The following NOL4 variants were observed in gnomAD, a reference collection of about 807,000 sequenced individuals.
NOL4 encodes the protein cancer/testis antigen 125.
Under a neutral mutation model 75.9 loss-of-function variants are expected in NOL4, and 17 were observed. The ratio of observed to expected loss-of-function variants is 0.22; its 90% CI spans 0.15 to 0.34. The LOEUF is 0.34. Among genes scored for constraint, NOL4 ranks in the 10% least tolerant of loss-of-function variants. The pLI, the probability that NOL4 is intolerant of heterozygous loss-of-function variation, is 1.00. For missense variants in NOL4, 614 were observed against 793.5 expected (o/e 0.77, Z 2.72); for synonymous variants, 292 against 289.9 (o/e 1.01, Z -0.07).
intron 1 of NOL4, among the ~76,000 whole-genome samples, chr18:34,143,105 G>A (rs768512860): frequency 3.7e-4 from 56 of 152,082 alleles, no homozygotes; most frequent in Middle Eastern, 3.4e-3. Flanking sequence ...GAAGCGAAGG[G>A]AAGGGAAGAA....
Position 33,892,065 on chromosome 18 carries a change from A to C in NOL4, c.1543-8641T>G, listed in dbSNP as rs1208144001. Among the ~76,000 whole-genome samples the C allele has an allele frequency of 2.0e-5, 3 of 152,136 alleles. No individual in the cohort carries two copies. In the East Asian group the frequency reaches 5.8e-4, roughly 29 times the overall value. On this transcript the variant is annotated intron_variant, in intron 9 of 10. Transcript: ENST00000261592. ...ATGATTATTATTACTGTTTTTAAAGAAAGGTTTTTAATGACATAAAAATTA... is the reference window on the plus strand; with the variant it reads ...ATGATTATTATTACTGTTTTTAAAGCAAGGTTTTTAATGACATAAAAATTA...
chr18:34,036,818 G>C (rs1286675557), intron 5 of NOL4, among the ~76,000 whole-genome samples: 1 of 152,098 alleles, frequency 6.6e-6, no homozygotes, highest in Non-Finnish European at 1.5e-5. Flanking sequence ...CAGCTACTCA[G>C]GATTACAGGA....
At chr18:33,950,521 G>A (rs1429777141) in intron 8 of NOL4, among the ~76,000 whole-genome samples, 1 of 152,068 alleles carries the variant, frequency 6.6e-6, no homozygotes, top group Non-Finnish European at 1.5e-5. Flanking sequence ...CATGAATTGA[G>A]CAACTTTCAT....
At chr18:34,094,679 C>A (rs1214712529) in intron 4 of NOL4, among the ~76,000 whole-genome samples, 1 of 152,184 alleles carries the variant, frequency 6.6e-6, no homozygotes, top group East Asian at 1.9e-4. Context: ...CTAGCTTTGA[C>A]TTTAATTTGT....
At chr18:33,983,489 C>A (rs753410437) in intron 6 of NOL4, among the ~76,000 whole-genome samples, 59 of 151,958 alleles carry the variant, frequency 3.9e-4, no homozygotes, top group Admixed American at 1.4e-3. Flanking sequence ...CACACACATG[C>A]ACACACACAG....
At chr18:34,010,414 C>T (rs937964736) in intron 6 of NOL4, among the ~76,000 whole-genome samples, 5 of 151,756 alleles carry the variant, frequency 3.3e-5, no homozygotes, top group South Asian at 2.1e-4. Context: ...ATAGACACTT[C>T]GGTTGATTCC....
chr18:33,966,702 T>G (rs2070627836), intron 6 of NOL4, among the ~76,000 whole-genome samples: 1 of 151,820 alleles, frequency 6.6e-6, no homozygotes, highest in African/African-American at 2.4e-5. Context: ...ATGTTCAAGC[T>G]GAGAGCCAAA....
chr18:34,191,476 G>A (rs2034910227), intron 1 of NOL4, among the ~76,000 whole-genome samples: 3 of 151,994 alleles, frequency 2.0e-5, no homozygotes, highest in African/African-American at 7.2e-5. Flanking sequence ...ATTTGGTTCT[G>A]AGTCAAGAAG....
intron 1 of NOL4, chr18:34,221,174 C>A (rs1006572305): frequency 6.6e-6 from 1 of 151,916 alleles, no homozygotes; most frequent in Non-Finnish European, 1.5e-5. Flanking sequence ...TTAGAGGGAC[C>A]TAAGTTTAAC....
chr18:33,899,409 CTT>C (rs1018797826), intron 9 of NOL4, among the ~76,000 whole-genome samples: 22 of 152,276 alleles, frequency 1.4e-4, no homozygotes, highest in African/African-American at 5.3e-4. Flanking sequence ...TCCTCCAACT[CTT>C]TGTCTCTCAA....
intron 2 of NOL4, among the ~76,000 whole-genome samples, chr18:34,129,364 A>G (rs1400219866): frequency 6.6e-6 from 1 of 151,840 alleles, no homozygotes; most frequent in Non-Finnish European, 1.5e-5. Flanking sequence ...ATTAAGAAAT[A>G]CATACCCTTC....
chr18:34,133,085 C>G (rs2080731560), intron 1 of NOL4, among the ~76,000 whole-genome samples: 1 of 151,802 alleles, frequency 6.6e-6, no homozygotes, highest in Non-Finnish European at 1.5e-5. Flanking sequence ...CCAGCCTGAC[C>G]AACATAGAGA....
chr18:34,034,857 A>C (rs1052739650), intron 5 of NOL4, among the ~76,000 whole-genome samples: 8 of 152,140 alleles, frequency 5.3e-5, no homozygotes, highest in African/African-American at 1.9e-4. Context: ...AAAAAGGACA[A>C]AGAAGGTCAT....
chr18:34,113,222 C>T (rs2079689547), intron 2 of NOL4, among the ~76,000 whole-genome samples: 4 of 152,142 alleles, frequency 2.6e-5, no homozygotes, highest in Non-Finnish European at 2.9e-5. Context: ...TCCAGCAATC[C>T]TCCCATCTTG....
chr18:33,858,945 TAATGGTATA>T (rs1285814318), intron 10 of NOL4, among the ~76,000 whole-genome samples: 1 of 152,104 alleles, frequency 6.6e-6, no homozygotes, highest in African/African-American at 2.4e-5. Flanking sequence ...CTTTCAAGTA[TAATGGTATA>T]AAAATATTAA....
chr18:34,211,271 G>A (rs1350137296), intron 1 of NOL4, among the ~76,000 whole-genome samples: 1 of 152,178 alleles, frequency 6.6e-6, no homozygotes, highest in Non-Finnish European at 1.5e-5. Context: ...GATTGTGATG[G>A]TAGCTTTTAC....
chr18:33,862,840 A>T (rs967670748), intron 10 of NOL4, among the ~76,000 whole-genome samples: 9 of 152,216 alleles, frequency 5.9e-5, no homozygotes, highest in Non-Finnish European at 1.0e-4. Flanking sequence ...AAACTAGTTC[A>T]ACCATTGTGG....
chr18:33,957,351 C>T lies in NOL4; in HGVS notation c.1403G>A (p.Arg468Gln), dbSNP rs1286295088. The T allele has an allele frequency of 1.2e-6, 2 of 1,612,774 alleles. No homozygotes were observed. The highest frequency in any genetic ancestry group is 8.5e-7 in the Non-Finnish European group (1 of 1,179,278). Residue 468 changes from arginine (R) to glutamine (Q), a missense_variant, in exon 8 of 11, where the codon CGG (arginine) becomes CAG (glutamine). By Grantham distance (43) the Arg-to-Gln change is conservative. Transcript: ENST00000261592. The stretch of plus-strand genomic sequence containing the variant: ...CATCTCAAAACCACTTCTTTTCATC[C>T]GCCTGCAGGACTTGAGGTAAGTACG... ...RIRTYLKSCR[R>Q]MKRSGFEMSR...
At chr18:33,953,696 T>C (rs953518207) in intron 8 of NOL4, among the ~76,000 whole-genome samples, 11 of 152,002 alleles carry the variant, frequency 7.2e-5, no homozygotes, top group Non-Finnish European at 1.2e-4. Flanking sequence ...GTGGAGAAAA[T>C]AGGTGCTGGA....
Sources: allele counts gnomAD v4.1 joint callset (sites outside exome capture counted in the v4.1 genomes callset), GRCh38; gene constraint gnomAD v4.1.1; transcripts MANE v1.5; gene names NCBI Gene and HGNC (gene_info 2026-07-23, HGNC 2026-07-21).